The following FCHSD1 variants were observed in gnomAD, a reference collection of about 807,000 sequenced individuals.
FCHSD1 encodes FCH and double SH3 domains 1, also known as F-BAR and double SH3 domains protein 1.
FCHSD1 carries 109 observed loss-of-function variants against 101.3 expected under a neutral mutation model. That is an observed-to-expected ratio of 1.08 (90% confidence interval 0.92 to 1.26). The LOEUF (loss-of-function observed/expected upper bound fraction) is 1.26. Among genes scored for constraint, FCHSD1 ranks in the 50% most tolerant of loss-of-function variants. The probability of loss-of-function intolerance (pLI) is 0.00; values close to 1 mark genes in which losing one functional copy is unlikely to be tolerated. For synonymous variants in FCHSD1, 291 were observed against 356.8 expected (o/e 0.82, Z 2.08); for missense variants, 820 against 895.8 (o/e 0.92, Z 1.08).
At position 141,643,095 on chromosome 5, in the gene FCHSD1, G is replaced by A. The variant is rs1050635345; in HGVS notation, c.1864-7C>T. On this transcript the variant is annotated splice_polypyrimidine_tract_variant and splice_region_variant and intron_variant, in intron 17 of 19. Coordinates refer to ENST00000435817, the MANE Select transcript of FCHSD1 (RefSeq NM_033449.3). ...GAGAAGGGGACGGCAGCATCTGGAG[G>A]TGGGGTGGGCACAGAGTTATTCCTG... The A allele has an allele frequency of 8.8e-6, 13 of 1,470,206 alleles. No homozygotes were observed. The highest frequency in any genetic ancestry group is 1.2e-5 in the Non-Finnish European group (13 of 1,110,464). 91.1% of individuals were successfully genotyped at this position (1,470,206 alleles called of 1,614,324 possible).
chr5:141,645,239 A>G (rs992162380), intron 13 of FCHSD1, 91 bp from the exon 14 acceptor site: 90 of 1,498,154 alleles, frequency 6.0e-5, no homozygotes, highest in Non-Finnish European at 7.6e-5. Context: ...AAAGGACACC[A>G]TGGATCCTCC....
Position 141,639,834 on chromosome 5 carries a change from C to T in FCHSD1, c.*1664G>A. 1 of 1,471,646 alleles carries T rather than the reference C, an allele frequency of 6.8e-7. No individual in the cohort carries two copies. The highest frequency in any genetic ancestry group is 1.2e-5 in the South Asian group (1 of 85,268). The allele number at this position is 1,471,646 out of a possible 1,614,324, so 91.2% of individuals were successfully genotyped here. ...CCTTAGGCCAGAGGGAAGTAGCCACCAAACTCAGGATGTCCCTGGTCAGAG... is the reference window on the plus strand; with the variant it reads ...CCTTAGGCCAGAGGGAAGTAGCCACTAAACTCAGGATGTCCCTGGTCAGAG... On this transcript the variant is annotated 3_prime_UTR_variant, in exon 20 of 20. Transcript: ENST00000435817. This position sits in a 1 kb window ranked among gnomAD's most constrained non-coding sequence, Gnocchi z 4.4.
chr5:141,639,999 T>C lies in FCHSD1; in HGVS notation c.*1499A>G. 6.2e-7 allele frequency: 1 copy of C among 1,613,356 alleles called. No individual in the cohort carries two copies. Among genetic ancestry groups the C allele is most frequent in the South Asian group, 1.1e-5 (1 of 91,066 alleles). On this transcript the variant is annotated 3_prime_UTR_variant, in exon 20 of 20. Coordinates refer to ENST00000435817, the MANE Select transcript of FCHSD1 (RefSeq NM_033449.3). This position sits in a 1 kb window ranked among gnomAD's most constrained non-coding sequence, Gnocchi z 4.4. Reference sequence around the variant, plus strand: ...CTCCCCCACAGACAGGAGCTGGGGCTCTGGTGGGGGACAGGACCCAGGGGG... The same window carrying C: ...CTCCCCCACAGACAGGAGCTGGGGCCCTGGTGGGGGACAGGACCCAGGGGG...
Position 141,646,101 on chromosome 5 carries a change from T to C in FCHSD1, c.1135A>G (p.Ile379Val). ...GTGTGCCTCACCTGTGCCCGGCGGA[T>C]GCTCTCTCGCACTTCCTGTAACCTC... ...EQRLQEVRES[I>V]RRAQVSQVKG... is the part of the protein sequence containing the mutation. Residue 379 changes from isoleucine (I) to valine (V), a missense_variant, in exon 12 of 20, where the codon ATC becomes GTC. Transcript: ENST00000435817. 6.2e-7 allele frequency: 1 copy of C among 1,611,142 alleles called. No homozygotes were observed. Among genetic ancestry groups the C allele is most frequent in the African/African-American group, 1.3e-5 (1 of 75,026 alleles).
intron 17 of FCHSD1, 87 bp from the exon 18 acceptor site, chr5:141,643,175 T>G: frequency 9.7e-7 from 1 of 1,031,274 alleles, no homozygotes; most frequent in Non-Finnish European, 1.3e-6. Context: ...AGTTCCTTCC[T>G]CATCACTTCT....
In FCHSD1 at chr5:141,646,611, C is replaced by T; in HGVS notation, c.1036G>A (p.Gly346Arg). The T allele has an allele frequency of 6.2e-7, 1 of 1,612,642 alleles. No homozygotes were observed. Among genetic ancestry groups the T allele is most frequent in the Non-Finnish European group, 8.5e-7 (1 of 1,179,446 alleles). ...GTGCCCCCCCACCTCACCCGATGCC[C>T]ATGGTTCTGGATCTTGTAGTCACGG... ...AARDYKIQNH[G>R]HRVLQRLEQR... The change falls in exon 11 of 20, where the codon GGG becomes AGG. Residue 346 changes from glycine to arginine, a missense_variant. Physicochemically the swap from Gly to Arg is moderately radical, Grantham distance 125 (BLOSUM62 -2). Coordinates refer to ENST00000435817, the MANE Select transcript of FCHSD1 (RefSeq NM_033449.3).
chr5:141,650,889 G>C (rs2099908296), intron 2 of FCHSD1, 131 bp downstream of exon 2: 2 of 835,460 alleles, frequency 2.4e-6, no homozygotes, highest in African/African-American at 3.4e-5. Flanking sequence ...GCCAGGCCTA[G>C]GGTGAGGGCT....
In FCHSD1 at chr5:141,639,931, C is replaced by T. The variant is rs1488929937; in HGVS notation, c.*1567G>A. 6.2e-7 allele frequency: 1 copy of T among 1,613,938 alleles called. No homozygotes were observed. The highest frequency in any genetic ancestry group is 8.5e-7 in the Non-Finnish European group (1 of 1,180,026). ...CCCTCCCCTCCCAGGTTCCGGGTGA[C>T]ACACATTGAGAAGCGCTATGGACTG... is the stretch of plus-strand genomic sequence containing the variant. On this transcript the variant is annotated 3_prime_UTR_variant, in exon 20 of 20. Coordinates refer to ENST00000435817, the MANE Select transcript of FCHSD1 (RefSeq NM_033449.3). This position sits in a 1 kb window ranked among gnomAD's most constrained non-coding sequence, Gnocchi z 4.4.
rs2099907767 is a variant in FCHSD1 at position 141,647,219 on chromosome 5, C to T, written c.840G>A (p.Glu280=). 1 of 1,605,838 alleles carries T rather than the reference C, an allele frequency of 6.2e-7. No homozygotes were observed. The highest frequency in any genetic ancestry group is 2.2e-5 in the East Asian group (1 of 44,672). Residue 280 remains glutamate (E), a synonymous_variant, in exon 10 of 20, where the codon GAG becomes GAA. Transcript: ENST00000435817. The part of the protein sequence containing the change: ...GEQTTSQVSW[E]QDLKLFLQEP... ...CCTGAAGAAACAGCTTCAGGTCTTG[C>T]TCCCAGCTTACCTAGGGGTTGGGAA... is the stretch of plus-strand genomic sequence containing the variant.
chr5:141,647,420 C>T lies in FCHSD1; in HGVS notation c.806G>A (p.Arg269His), dbSNP rs368897773. 1.2e-5 allele frequency: 20 copies of T among 1,602,552 alleles called. No individual in the cohort carries two copies. The highest frequency in any genetic ancestry group is 4.5e-5 in the East Asian group (2 of 44,684). The change falls in exon 9 of 20, where the codon CGC becomes CAC. Residue 269 changes from arginine to histidine, a missense_variant. By Grantham distance (29) the Arg-to-His change is conservative. Coordinates refer to ENST00000435817, the MANE Select transcript of FCHSD1 (RefSeq NM_033449.3). The stretch of plus-strand genomic sequence containing the variant: ...CACCTGGGAGGTTGTCTGCTCCCCG[C>T]GGTGGGCATGCTCCAGGATGACCTC... ...AAEVILEHAH[R>H]GEQTTSQVSW... is the part of the protein sequence containing the mutation.
Position 141,640,533 on chromosome 5 carries a change from C to G in FCHSD1, c.*965G>C, listed in dbSNP as rs41098. On this transcript the variant is annotated 3_prime_UTR_variant, in exon 20 of 20. Transcript: ENST00000435817. ...AAGCCTTTCGGCTCCCTGAACCCCC[C>G]GAGTAAACTGCAGGCTTAGCCTTTG... is the stretch of plus-strand genomic sequence containing the variant. 5.6e-6 allele frequency: 9 copies of G among 1,602,078 alleles called. No homozygotes were observed.
At chr5:141,643,239 A>G (rs2099907196) in intron 17 of FCHSD1, among the ~76,000 whole-genome samples, 151 bp from the exon 18 acceptor site, 1 of 151,726 alleles carries the variant, frequency 6.6e-6, no homozygotes, top group African/African-American at 2.4e-5. Context: ...TAGCTGACAA[A>G]TATTTCAACA....
At position 141,640,251 on chromosome 5, in the gene FCHSD1, G is replaced by T; in HGVS notation, c.*1247C>A. ...CCCAAGCCCAGGGCTGCCCACTCAA[G>T]AGGCAAATGGGCAGCCAAGCAAACC... On this transcript the variant is annotated 3_prime_UTR_variant, in exon 20 of 20. Coordinates refer to ENST00000435817, the MANE Select transcript of FCHSD1 (RefSeq NM_033449.3). The T allele has an allele frequency of 6.2e-7, 1 of 1,614,082 alleles. No homozygotes were observed. Among genetic ancestry groups the T allele is most frequent in the South Asian group, 1.1e-5 (1 of 91,090 alleles).
chr5:141,642,511 A>T (rs2099907050), intron 18 of FCHSD1: 1 of 579,628 alleles, frequency 1.7e-6, no homozygotes, highest in African/African-American at 2.0e-5. Flanking sequence ...AATCTAAAAT[A>T]AATAATAAAA....
intron 11 of FCHSD1, 141 bp downstream of exon 11, chr5:141,646,462 T>G: frequency 7.6e-7 from 1 of 1,320,810 alleles, no homozygotes; most frequent in Non-Finnish European, 1.0e-6. Flanking sequence ...CTCTTAACTA[T>G]TGTGCCACAC....
chr5:141,639,757 G>A lies in FCHSD1; in HGVS notation c.*1741C>T, dbSNP rs73285814. The A allele has an allele frequency of 0.23, 296,410 of 1,304,118 alleles. 35,321 individuals are homozygous for A. The highest frequency in any genetic ancestry group is 0.34 in the African/African-American group (22,949 of 67,806). The allele number at this position is 1,304,118 out of a possible 1,614,324, so 80.8% of individuals were successfully genotyped here. On this transcript the variant is annotated 3_prime_UTR_variant, in exon 20 of 20. Transcript: ENST00000435817. The surrounding 1 kb of genome is among the most constrained non-coding windows in gnomAD (Gnocchi z 4.4). Reference sequence around the variant, plus strand: ...TCTTTCCTCCTGGACTGGGAGCTCCGGCAGAAGTCAGGCTACACAATGTGC... The same window carrying A: ...TCTTTCCTCCTGGACTGGGAGCTCCAGCAGAAGTCAGGCTACACAATGTGC...
In FCHSD1 at chr5:141,646,738, G is replaced by A; in HGVS notation, c.925-16C>T. 1.2e-6 allele frequency: 2 copies of A among 1,609,728 alleles called. No homozygotes were observed. The highest frequency in any genetic ancestry group is 8.5e-7 in the Non-Finnish European group (1 of 1,178,974). ...GGACACACACCTGAATGGGTCAGGG[G>A]GTGCTGTGAGGAGGACCTGAGGCTG... On this transcript the variant is annotated splice_polypyrimidine_tract_variant and intron_variant, in intron 10 of 19. Coordinates refer to ENST00000435817, the MANE Select transcript of FCHSD1 (RefSeq NM_033449.3).
chr5:141,644,434 G>A lies in FCHSD1; in HGVS notation c.1647C>T (p.Phe549=), dbSNP rs946374157. The change falls in exon 17 of 20, where the codon TTC becomes TTT. Residue 549 remains phenylalanine, a synonymous_variant. Coordinates refer to ENST00000435817, the MANE Select transcript of FCHSD1 (RefSeq NM_033449.3). Reference sequence around the variant, plus strand: ...TGTAGCTGTACAGGGCCTGTGCCAGGAATGCTACAGAGGCCCAGGAGAGAC... The same window carrying A: ...TGTAGCTGTACAGGGCCTGTGCCAGAAATGCTACAGAGGCCCAGGAGAGAC... ...DNPCGAEPTA[F]LAQALYSYTG... is the part of the protein sequence containing the mutation. 2 of 1,613,508 alleles carry A rather than the reference G, an allele frequency of 1.2e-6. No homozygotes were observed. The highest frequency in any genetic ancestry group is 2.7e-5 in the African/African-American group (2 of 74,918).
At position 141,646,626 on chromosome 5, in the gene FCHSD1, T is replaced by G. The variant is rs2099907700; in HGVS notation, c.1021A>C (p.Lys341Gln). 1 of 1,613,216 alleles carries G rather than the reference T, an allele frequency of 6.2e-7. No individual in the cohort carries two copies. The highest frequency in any genetic ancestry group is 8.5e-7 in the Non-Finnish European group (1 of 1,179,662). The change falls in exon 11 of 20, where the codon AAG becomes CAG. Residue 341 changes from lysine to glutamine, a missense_variant. Coordinates refer to ENST00000435817, the MANE Select transcript of FCHSD1 (RefSeq NM_033449.3). The part of the protein sequence containing the change: ...RLTSRAARDY[K>Q]IQNHGHRVLQ... ...ACCCGATGCCCATGGTTCTGGATCTTGTAGTCACGGGCAGCTCGGCTGGTC... is the reference window on the plus strand; with the variant it reads ...ACCCGATGCCCATGGTTCTGGATCTGGTAGTCACGGGCAGCTCGGCTGGTC...
Sources: gnomAD v4.1 joint callset for allele counts (sites outside exome capture counted in the v4.1 genomes callset) on GRCh38, gnomAD v4.1.1 for gene constraint, Gnocchi (gnomAD v3.1) non-coding constraint, MANE v1.5 for transcripts, NCBI Gene and HGNC (gene_info 2026-07-23, HGNC 2026-07-21) for gene names.